The following FBXL13 variants were observed in gnomAD, a reference collection of about 807,000 sequenced individuals.
FBXL13 encodes F-box and leucine-rich repeat protein 13.
FBXL13 carries 67 observed loss-of-function variants against 83.6 expected under a neutral mutation model. The ratio of observed to expected loss-of-function variants is 0.80; its 90% CI spans 0.66 to 0.98. FBXL13 has a LOEUF of 0.98. Ranked by LOEUF, FBXL13 falls within the 50% of genes least tolerant of loss-of-function variation. FBXL13 has a pLI of 0.00. For missense variants in FBXL13, 822 were observed against 866.5 expected (o/e 0.95, Z 0.64); for synonymous variants, 272 against 299.5 (o/e 0.91, Z 0.95).
chr7:102,879,439 ATGTGTGTG>A (rs139051886), intron 14 of FBXL13, among the ~76,000 whole-genome samples: 11 of 144,698 alleles, frequency 7.6e-5, no homozygotes, highest in Admixed American at 3.4e-4. Flanking sequence ...GCAGTTAAGG[ATGTGTGTG>A]TGTGTGTGTG....
intron 6 of FBXL13, among the ~76,000 whole-genome samples, chr7:103,010,058 A>ACC (rs1262779762): frequency 1.3e-5 from 2 of 149,446 alleles, no homozygotes; most frequent in African/African-American, 5.0e-5. Flanking sequence ...AGAGCCCATG[A>ACC]CCCCGCCCAC....
intron 6 of FBXL13, among the ~76,000 whole-genome samples, chr7:102,993,017 GT>G (rs1829742912): frequency 6.6e-6 from 1 of 152,182 alleles, no homozygotes; most frequent in Non-Finnish European, 1.5e-5. Context: ...ACTTCTAGAT[GT>G]TTTGTTTCAT....
intron 16 of FBXL13, among the ~76,000 whole-genome samples, chr7:102,859,849 A>G (rs1331855198): frequency 6.6e-6 from 1 of 152,200 alleles, no homozygotes; most frequent in African/African-American, 2.4e-5. Flanking sequence ...GGTCAGCTGA[A>G]GTGCAGAGGA....
chr7:102,946,222 G>C (rs1822471588), intron 8 of FBXL13, among the ~76,000 whole-genome samples: 1 of 152,162 alleles, frequency 6.6e-6, no homozygotes, highest in Non-Finnish European at 1.5e-5. Context: ...ACCATGCTAA[G>C]AGCTTCACAT....
At chr7:103,005,630 C>A (rs937679124) in intron 6 of FBXL13, among the ~76,000 whole-genome samples, 3 of 152,176 alleles carry the variant, frequency 2.0e-5, no homozygotes, top group Non-Finnish European at 2.9e-5. Flanking sequence ...TCATTGCATC[C>A]TCATATGGCA....
At position 103,015,285 on chromosome 7, in the gene FBXL13, G is replaced by A. The variant is rs1316104686; in HGVS notation, c.495+9778C>T. Among the ~76,000 whole-genome samples the A allele has an allele frequency of 2.0e-5, 3 of 152,240 alleles. No individual in the cohort carries two copies. The East Asian group carries it at 5.8e-4, about 29-fold the overall frequency. On this transcript the variant is annotated intron_variant, in intron 6 of 19. Transcript: ENST00000313221. ...GCATTCCCCTTGAAAACCAGAACAAGACAAGGATGCCCTCTCTCATCACTC... is the reference window on the plus strand; with the variant it reads ...GCATTCCCCTTGAAAACCAGAACAAAACAAGGATGCCCTCTCTCATCACTC...
intron 8 of FBXL13, among the ~76,000 whole-genome samples, chr7:102,950,148 C>A (rs1823187561): frequency 6.6e-6 from 1 of 151,854 alleles, no homozygotes; most frequent in Admixed American, 6.6e-5. Flanking sequence ...AATAAGAAAA[C>A]AACCTGGTTA....
intron 11 of FBXL13, among the ~76,000 whole-genome samples, chr7:102,890,570 G>A (rs1811411485): frequency 6.6e-6 from 1 of 152,210 alleles, no homozygotes; most frequent in South Asian, 2.1e-4. Context: ...ATCATGAGAA[G>A]ACAGACCTGT....
At chr7:103,016,537 C>G (rs1042672860) in intron 6 of FBXL13, among the ~76,000 whole-genome samples, 1 of 152,076 alleles carries the variant, frequency 6.6e-6, no homozygotes, top group African/African-American at 2.4e-5. Flanking sequence ...CATGGTCTCA[C>G]CCGGGAAGCA....
intron 6 of FBXL13, among the ~76,000 whole-genome samples, chr7:102,974,070 A>G (rs1827125782): frequency 6.6e-6 from 1 of 152,022 alleles, no homozygotes; most frequent in Non-Finnish European, 1.5e-5. Flanking sequence ...ATTCCAAAAA[A>G]CAGCCCTCTA....
rs149449329 is a variant in FBXL13, at chr7:102,898,780, A to C, written c.1008+14306T>G. Reference sequence around the variant, plus strand: ...AAGCAACAAATTCAGATACATCGTCAAACATGAGCATGTGACTAATGGTGA... The same window carrying C: ...AAGCAACAAATTCAGATACATCGTCCAACATGAGCATGTGACTAATGGTGA... On this transcript the variant is annotated intron_variant, in intron 11 of 19. Coordinates refer to ENST00000313221, the Ensembl canonical transcript of FBXL13. Among the ~76,000 whole-genome samples the C allele has an allele frequency of 3.7e-3, 567 of 152,344 alleles. 5 individuals carry two copies. The highest frequency in any genetic ancestry group is 0.013 in the African/African-American group (560 of 41,582).
At chr7:103,019,093 T>C (rs1792782993) in intron 6 of FBXL13, among the ~76,000 whole-genome samples, 1 of 152,138 alleles carries the variant, frequency 6.6e-6, no homozygotes, top group Non-Finnish European at 1.5e-5. Flanking sequence ...CCTCAGGAAA[T>C]GTAAAAGAAC....
intron 2 of FBXL13, among the ~76,000 whole-genome samples, chr7:103,052,756 C>CTTTTT (rs67278019): frequency 2.2e-5 from 3 of 134,304 alleles, no homozygotes; most frequent in Admixed American, 7.4e-5. Flanking sequence ...AATTCCTTTT[C>CTTTTT]TTTTTTTTTT....
At chr7:102,899,586 T>C (rs958139137) in intron 11 of FBXL13, among the ~76,000 whole-genome samples, 1 of 152,100 alleles carries the variant, frequency 6.6e-6, no homozygotes, top group African/African-American at 2.4e-5. Context: ...TTCTGAATGG[T>C]TTTGTTAGGG....
intron 6 of FBXL13, among the ~76,000 whole-genome samples, chr7:103,011,760 T>C (rs976869518): frequency 6.6e-6 from 1 of 151,682 alleles, no homozygotes; most frequent in Non-Finnish European, 1.5e-5. Context: ...GGTTGAAAAC[T>C]GGCTCTCCTA....
chr7:102,951,636 C>A (rs1019032740), intron 8 of FBXL13, among the ~76,000 whole-genome samples: 2 of 151,128 alleles, frequency 1.3e-5, no homozygotes, highest in Admixed American at 6.6e-5. Flanking sequence ...AGTCAGAGCC[C>A]GTCTCTACAA....
chr7:102,905,434 A>C (rs1227437449), intron 11 of FBXL13, among the ~76,000 whole-genome samples: 1 of 151,992 alleles, frequency 6.6e-6, no homozygotes, highest in African/African-American at 2.4e-5. Flanking sequence ...AGTGACTCCC[A>C]TTCTTTTTTG....
chr7:102,822,296 C>T, intron 18 of FBXL13, 93 bp from the exon 20 acceptor site: 2 of 1,173,274 alleles, frequency 1.7e-6, no homozygotes, highest in Non-Finnish European at 2.5e-6. Context: ...TAATAAACTA[C>T]CACAGACTGT....
intron 18 of FBXL13, 115 bp from the exon 20 acceptor site, chr7:102,822,318 C>A: frequency 1.0e-6 from 1 of 970,200 alleles, no homozygotes. Flanking sequence ...GCTTAAACAT[C>A]AAACATTTAT....
Sources: allele counts gnomAD v4.1 joint callset (sites outside exome capture counted in the v4.1 genomes callset), GRCh38; gene constraint gnomAD v4.1.1; transcripts MANE v1.5; gene names NCBI Gene and HGNC (gene_info 2026-07-23, HGNC 2026-07-21).